Variants in ARMC9 observed in about 807,000 individuals in gnomAD.
ARMC9 encodes armadillo repeat containing 9, also known as lisH domain-containing protein ARMC9.
In ARMC9, 94 loss-of-function variants were observed where a neutral mutation model predicts 107.0. That is an observed-to-expected ratio of 0.88 (90% CI 0.74 to 1.04). ARMC9 has a LOEUF of 1.04. Among genes scored for constraint, ARMC9 ranks in the 50% least tolerant of loss-of-function variants. The probability of loss-of-function intolerance (pLI) is 0.00; values close to 1 mark genes in which losing one functional copy is unlikely to be tolerated. For missense variants in ARMC9, 942 were observed against 1,030.1 expected (o/e 0.91, Z 1.17); for synonymous variants, 380 against 396.9 (o/e 0.96, Z 0.51).
chr2:231,308,145 T>C (rs2042134127), intron 19 of ARMC9, among the ~76,000 whole-genome samples: 1 of 152,218 alleles, frequency 6.6e-6, no homozygotes, highest in Non-Finnish European at 1.5e-5. Context: ...CTGGCATCAG[T>C]GTTCAAGTTC....
intron 6 of ARMC9, among the ~76,000 whole-genome samples, chr2:231,225,966 C>T (rs1260337655): frequency 6.6e-6 from 1 of 152,214 alleles, no homozygotes. Flanking sequence ...AAGCGATTCT[C>T]CTGCCTCAGC....
intron 20 of ARMC9, among the ~76,000 whole-genome samples, chr2:231,335,414 G>A (rs1191443486): frequency 6.6e-6 from 1 of 152,200 alleles, no homozygotes; most frequent in African/African-American, 2.4e-5. Flanking sequence ...TCGGGGATGG[G>A]AGGAAGCTAT....
At chr2:231,206,887 A>G (rs1292118849) in intron 2 of ARMC9, among the ~76,000 whole-genome samples, 2 of 152,240 alleles carry the variant, frequency 1.3e-5, no homozygotes, top group East Asian at 3.8e-4. Flanking sequence ...CTGTGTGAGT[A>G]ACCACCTGCA....
chr2:231,330,704 A>C (rs1381430517), intron 19 of ARMC9, among the ~76,000 whole-genome samples: 1 of 152,194 alleles, frequency 6.6e-6, no homozygotes, highest in Admixed American at 6.5e-5. Context: ...TTGCTGGCGC[A>C]GGTGGGAGTG....
intron 15 of ARMC9, among the ~76,000 whole-genome samples, chr2:231,277,633 C>G (rs532634136): frequency 2.0e-5 from 3 of 150,426 alleles, no homozygotes; most frequent in Non-Finnish European, 4.4e-5. Context: ...GATCTTGGCT[C>G]AGTGGTGCAA....
At chr2:231,292,139 GC>G (rs920095110) in intron 18 of ARMC9, among the ~76,000 whole-genome samples, 25 of 147,962 alleles carry the variant, frequency 1.7e-4, no homozygotes, top group Non-Finnish European at 1.5e-5. Flanking sequence ...TTGCACTCCA[GC>G]CTGGGCGACA....
chr2:231,270,406 T>C (rs1410416208), intron 12 of ARMC9: 1 of 349,088 alleles, frequency 2.9e-6, no homozygotes, highest in African/African-American at 2.2e-5. Flanking sequence ...AATTCATTCG[T>C]CTTTATTTTT....
rs180821771 is a variant in ARMC9 at position 231,354,467 on chromosome 2, C to T, written c.1995-1331C>T. Among the ~76,000 whole-genome samples the T allele has an allele frequency of 3.4e-3, 517 of 150,752 alleles. 3 individuals are homozygous for T. Among genetic ancestry groups the T allele is most frequent in the African/African-American group, 0.012 (485 of 40,976 alleles). On this transcript the variant is annotated intron_variant, in intron 21 of 24. Coordinates refer to ENST00000611582, the MANE Select transcript of ARMC9 (RefSeq NM_001352754.2). ...CGCAATCTTGGCTCACTACAACCTC[C>T]GCCTCCCTGGCTCAAGCGATTCTCC... is the stretch of plus-strand genomic sequence containing the variant.
At chr2:231,332,527 G>A (rs574171969) in intron 20 of ARMC9, among the ~76,000 whole-genome samples, 1 of 152,342 alleles carries the variant, frequency 6.6e-6, no homozygotes, top group African/African-American at 2.4e-5. Flanking sequence ...CACCATCTGG[G>A]ATGGGTCCTT....
intron 9 of ARMC9, among the ~76,000 whole-genome samples, chr2:231,243,109 T>C (rs2036447476): frequency 6.6e-6 from 1 of 152,144 alleles, no homozygotes; most frequent in Non-Finnish European, 1.5e-5. Context: ...TAGCTGGGCA[T>C]GGTTGCGGGC....
In ARMC9 at chr2:231,310,998, G is replaced by A. The variant is rs1046512081; in HGVS notation, c.1773+14745G>A. ...AAAAATTAGCTAAGTGTGCTTGTGCGTAACTGTAGTCCCAGCTACTTGGGA... is the reference window on the plus strand; with the variant it reads ...AAAAATTAGCTAAGTGTGCTTGTGCATAACTGTAGTCCCAGCTACTTGGGA... On this transcript the variant is annotated intron_variant, in intron 19 of 24. Transcript: ENST00000611582. Among the ~76,000 whole-genome samples, 8 of 151,186 alleles carry A rather than the reference G, an allele frequency of 5.3e-5. No homozygotes were observed. In the South Asian group the frequency reaches 8.4e-4, roughly 16 times the overall value.
chr2:231,303,802 T>C (rs1267068007), intron 19 of ARMC9, among the ~76,000 whole-genome samples: 1 of 152,016 alleles, frequency 6.6e-6, no homozygotes, highest in East Asian at 1.9e-4. Context: ...CCGGGTGTGA[T>C]GGTGCATGCT....
At chr2:231,329,832 T>C (rs1342542941) in intron 19 of ARMC9, among the ~76,000 whole-genome samples, 1 of 152,198 alleles carries the variant, frequency 6.6e-6, no homozygotes, top group Admixed American at 6.5e-5. Context: ...TTTTTGTGTG[T>C]GTATGTGGTT....
intron 5 of ARMC9, among the ~76,000 whole-genome samples, chr2:231,221,045 G>A (rs947550737): frequency 2.0e-5 from 3 of 152,204 alleles, no homozygotes; most frequent in Non-Finnish European, 2.9e-5. Flanking sequence ...CCCTAGCAAA[G>A]TACCACAGGC....
chr2:231,272,548 G>A (rs138581084), intron 13 of ARMC9, among the ~76,000 whole-genome samples: 16 of 149,060 alleles, frequency 1.1e-4, no homozygotes, highest in South Asian at 2.1e-4. Flanking sequence ...ATGGAGTCTC[G>A]CTCCGTCATT....
At chr2:231,342,639 C>G (rs886895939) in intron 20 of ARMC9, among the ~76,000 whole-genome samples, 1 of 151,952 alleles carries the variant, frequency 6.6e-6, no homozygotes, top group Non-Finnish European at 1.5e-5. Flanking sequence ...CGTGTAAAGC[C>G]GACCCTAGAT....
rs1239759131 is a variant in ARMC9, at chr2:231,369,960, G to A, written c.2269G>A (p.Ala757Thr). Residue 757 changes from alanine to threonine, a missense_variant, in exon 24 of 25, where the codon GCA becomes ACA. Transcript: ENST00000611582. ...TTGCACGTTTTGTTCTAGGGAATGT[G>A]CATCAGCCTTCACCTGCAAGCCCCG... ...PGNGVTTREC[A>T]SAFTCKPRAP... 10 of 1,515,066 alleles carry A rather than the reference G, an allele frequency of 6.6e-6. No individual in the cohort carries two copies. Among genetic ancestry groups the A allele is most frequent in the Non-Finnish European group, 8.8e-6 (10 of 1,134,546 alleles). The allele number at this position is 1,515,066 out of a possible 1,614,324, so 93.9% of individuals were successfully genotyped here.
At chr2:231,231,613 G>A (rs2035226953) in intron 7 of ARMC9, among the ~76,000 whole-genome samples, 1 of 151,434 alleles carries the variant, frequency 6.6e-6, no homozygotes, top group Non-Finnish European at 1.5e-5. Context: ...CGAACTCCTG[G>A]CTTCAAGCAA....
intron 1 of ARMC9, 47 bp from the exon 2 acceptor site, chr2:231,206,151 A>G: frequency 3.4e-6 from 4 of 1,178,154 alleles, no homozygotes; most frequent in Non-Finnish European, 3.8e-6. Flanking sequence ...TTGTAGTTTC[A>G]TAGGTGGTTG....
Sources: gnomAD v4.1 joint callset for allele counts (sites outside exome capture counted in the v4.1 genomes callset) on GRCh38, gnomAD v4.1.1 for gene constraint, MANE v1.5 for transcripts, NCBI Gene and HGNC (gene_info 2026-07-23, HGNC 2026-07-21) for gene names.